ZNF541: variants seen among roughly 807,000 people sequenced by gnomAD.
ZNF541 encodes the protein zinc finger protein 541.
A neutral mutation model predicts 123.5 loss-of-function variants in ZNF541; 23 were observed. The observed-to-expected ratio is 0.19, with a 90% confidence interval of 0.13 to 0.26. The LOEUF (loss-of-function observed/expected upper bound fraction) is 0.26, where lower values mean the gene tolerates loss of function less well. Among genes scored for constraint, ZNF541 ranks in the 10% least tolerant of loss-of-function variants. ZNF541 has a pLI of 1.00. For synonymous variants in ZNF541, 751 were observed against 754.5 expected (o/e 1.00, Z 0.08); for missense variants, 1,612 against 1,789.9 (o/e 0.90, Z 1.79).
At position 47,525,521 on chromosome 19, in the gene ZNF541, C is replaced by A. The variant is rs118028837; in HGVS notation, c.3570+3429G>T. Among the ~76,000 whole-genome samples, 1,325 of 152,080 alleles carry A rather than the reference C, an allele frequency of 8.7e-3. 8 individuals carry two copies. The highest frequency in any genetic ancestry group is 0.015 in the Non-Finnish European group (998 of 68,004). On this transcript the variant is annotated intron_variant, in intron 14 of 16. Coordinates refer to ENST00000391901, the MANE Select transcript of ZNF541 (RefSeq NM_001277075.3). The stretch of plus-strand genomic sequence containing the variant: ...TTCAACAAAAGGTACAAATGAATAT[C>A]CACATGCAAAAAATGAACTTTAACT...
At chr19:47,540,703 G>A (rs1035276064) in intron 6 of ZNF541, among the ~76,000 whole-genome samples, 190 bp downstream of exon 6, 2 of 152,204 alleles carry the variant, frequency 1.3e-5, no homozygotes, top group Admixed American at 6.5e-5. Context: ...GCCTCCTGAA[G>A]TGCTGGGATT....
rs1330675264 is a variant in ZNF541, at chr19:47,555,563, C to G, written c.294G>C (p.Gln98His). 4 of 1,543,764 alleles carry G rather than the reference C, an allele frequency of 2.6e-6. No homozygotes were observed. The highest frequency in any genetic ancestry group is 2.7e-5 in the African/African-American group (2 of 72,920). ...LLEEYADSES[Q>H]ASLQDLGLGV... ...TGACAGCCTCACCTTGTAAGGATGC[C>G]TGAGACTCCGAATCTGCGTACTCCT... is the stretch of plus-strand genomic sequence containing the variant. Residue 98 changes from glutamine (Q) to histidine (H), a missense_variant, in exon 3 of 17, where the codon CAG becomes CAC. Coordinates refer to ENST00000391901, the MANE Select transcript of ZNF541 (RefSeq NM_001277075.3).
chr19:47,550,720 C>T (rs1260699807), intron 3 of ZNF541, among the ~76,000 whole-genome samples: 1 of 152,192 alleles, frequency 6.6e-6, no homozygotes, highest in Non-Finnish European at 1.5e-5. Flanking sequence ...GATCACAGCT[C>T]ATTGCAGTCT....
At chr19:47,527,722 G>T (rs1002193154) in intron 14 of ZNF541, among the ~76,000 whole-genome samples, 2 of 151,240 alleles carry the variant, frequency 1.3e-5, no homozygotes, top group African/African-American at 4.9e-5. Flanking sequence ...TTTTTGAGAC[G>T]GAGTTTCACT....
chr19:47,540,212 G>T lies in ZNF541; in HGVS notation c.2586C>A (p.Asp862Glu). ...GCTTCCCTCGAGGTGACGGCCACTGGTCGCTGTGAAAACACATGTGGCTGC... is the reference window on the plus strand; with the variant it reads ...GCTTCCCTCGAGGTGACGGCCACTGTTCGCTGTGAAAACACATGTGGCTGC... ...GLSSHMCFHSDQWPSPRGKQE... is the reference protein window; with the variant it reads ...GLSSHMCFHSEQWPSPRGKQE... The change falls in exon 7 of 17, where the codon GAC (aspartate) becomes GAA (glutamate). Residue 862 changes from aspartate (D) to glutamate (E), a missense_variant. Coordinates refer to ENST00000391901, the MANE Select transcript of ZNF541 (RefSeq NM_001277075.3). 6.4e-7 allele frequency: 1 copy of T among 1,551,574 alleles called. No homozygotes were observed. Among genetic ancestry groups the T allele is most frequent in the Non-Finnish European group, 8.7e-7 (1 of 1,146,984 alleles).
At chr19:47,568,661 C>T (rs889841508) in intron 2 of ZNF541, among the ~76,000 whole-genome samples, 4 of 151,680 alleles carry the variant, frequency 2.6e-5, no homozygotes, top group Non-Finnish European at 5.9e-5. Context: ...TCCTTCCTTA[C>T]TTTCCTACTC....
At chr19:47,550,863 A>G (rs1354522719) in intron 3 of ZNF541, among the ~76,000 whole-genome samples, 1 of 152,148 alleles carries the variant, frequency 6.6e-6, no homozygotes, top group African/African-American at 2.4e-5. Flanking sequence ...TGAAAATTAA[A>G]GGGAAGCTGA....
intron 12 of ZNF541, among the ~76,000 whole-genome samples, chr19:47,530,638 A>T (rs920713451): frequency 1.3e-4 from 19 of 151,436 alleles, no homozygotes; most frequent in African/African-American, 4.6e-4. Context: ...AAGTATTAAG[A>T]ATTTCTTTTC....
At chr19:47,538,641 C>T (rs1969939386) in intron 8 of ZNF541, 1 of 544,632 alleles carries the variant, frequency 1.8e-6, no homozygotes. Flanking sequence ...CCTTCTCCTG[C>T]ACCCACTGCC....
chr19:47,539,297 C>CTT (rs1001789975), intron 8 of ZNF541, among the ~76,000 whole-genome samples: 70 of 125,816 alleles, frequency 5.6e-4, no homozygotes, highest in African/African-American at 6.8e-4. Context: ...TCAAGATTTT[C>CTT]TTTTTTTTTT....
chr19:47,568,384 G>A lies in ZNF541; in HGVS notation c.-99+3512C>T, dbSNP rs10415325. Among the ~76,000 whole-genome samples the A allele has an allele frequency of 4.0e-3, 610 of 151,978 alleles. 3 individuals carry two copies. Among genetic ancestry groups the A allele is most frequent in the African/African-American group, 0.014 (573 of 41,444 alleles). On this transcript the variant is annotated intron_variant, in intron 2 of 16. Transcript: ENST00000391901. ...TTTTGAGACAGGGTCTTACTCTGTC[G>A]CCCAGACTGGAGTGCAGTGGCGTGA...
chr19:47,549,895 C>T (rs1459022785), intron 3 of ZNF541, among the ~76,000 whole-genome samples: 1 of 152,150 alleles, frequency 6.6e-6, no homozygotes, highest in Non-Finnish European at 1.5e-5. Context: ...TAGCTTTGTA[C>T]AAAGATCTAG....
chr19:47,572,190 G>GT (rs1568530268), intron 1 of ZNF541, among the ~76,000 whole-genome samples, 148 bp from the exon 2 acceptor site: 1 of 152,086 alleles, frequency 6.6e-6, no homozygotes, highest in African/African-American at 2.4e-5. Flanking sequence ...AGGAGGAAAG[G>GT]TTTTTTTGGT....
intron 6 of ZNF541, 63 bp downstream of exon 6, chr19:47,540,830 G>A (rs907591703): frequency 1.3e-5 from 20 of 1,502,028 alleles, no homozygotes; most frequent in South Asian, 3.7e-5. Context: ...GTCCAGGGCC[G>A]GCACAGGAAG....
At chr19:47,563,421 G>C (rs1012311743) in intron 2 of ZNF541, among the ~76,000 whole-genome samples, 1 of 152,104 alleles carries the variant, frequency 6.6e-6, no homozygotes, top group Non-Finnish European at 1.5e-5. Flanking sequence ...AGATGCCTCA[G>C]GATTCTCAGA....
chr19:47,521,909 C>T lies in ZNF541; in HGVS notation c.3656G>A (p.Gly1219Glu), dbSNP rs1246430453. The stretch of plus-strand genomic sequence containing the variant: ...CTCTCTCTTGACCCTCTTTTCTAGC[C>T]CTGGGGCTCGGCCACAGTCAAACTT... ...MIKFDCGRAPGLEKRVKREPE... is the reference protein window; with the variant it reads ...MIKFDCGRAPELEKRVKREPE... Residue 1219 changes from glycine to glutamate, a missense_variant, in exon 15 of 17, where the codon GGG becomes GAG. By Grantham distance (98) the Gly-to-Glu change is moderately conservative. Transcript: ENST00000391901. This position sits in a 1 kb window ranked among gnomAD's most constrained non-coding sequence, Gnocchi z 4.2. The T allele has an allele frequency of 3.9e-6, 6 of 1,551,776 alleles. No homozygotes were observed. Among genetic ancestry groups the T allele is most frequent in the Non-Finnish European group, 5.2e-6 (6 of 1,147,052 alleles).
intron 5 of ZNF541, among the ~76,000 whole-genome samples, chr19:47,541,550 T>C (rs1297439232): frequency 1.3e-5 from 2 of 152,178 alleles, no homozygotes; most frequent in East Asian, 1.9e-4. Flanking sequence ...CCAGAATATA[T>C]AGAGAACTCA....
In ZNF541 at chr19:47,555,740, G is replaced by A; in HGVS notation, c.117C>T (p.Pro39=). ...CAGCATAAAGAAAGCCTCGCGTGTT[G>A]GGACCCAAATCCCGGTTGAGGGTGT... The part of the protein sequence containing the change: ...CSDTLNRDLG[P]NTRGFLYAGL... Residue 39 remains proline (P), a synonymous_variant, in exon 3 of 17, where the codon CCC becomes CCT. Transcript: ENST00000391901. The A allele has an allele frequency of 6.4e-7, 1 of 1,551,734 alleles. No individual in the cohort carries two copies. Among genetic ancestry groups the A allele is most frequent in the Non-Finnish European group, 8.7e-7 (1 of 1,147,004 alleles).
At position 47,545,723 on chromosome 19, in the gene ZNF541, A is replaced by C; in HGVS notation, c.806T>G (p.Leu269Arg). Residue 269 changes from leucine (L) to arginine (R), a missense_variant, in exon 5 of 17, where the codon CTG becomes CGG. Transcript: ENST00000391901. This position sits in a 1 kb window ranked among gnomAD's most constrained non-coding sequence, Gnocchi z 7.5. Reference sequence around the variant, plus strand: ...GCGGCGCAGGAGGTCCCGGTGGGGCAGGAGGGAGCCGGGGGACCTGGCCTC... The same window carrying C: ...GCGGCGCAGGAGGTCCCGGTGGGGCCGGAGGGAGCCGGGGGACCTGGCCTC... ...PPEARSPGSL[L>R]PHRDLLRRIV... The C allele has an allele frequency of 6.5e-7, 1 of 1,546,196 alleles. No homozygotes were observed.
Sources: gnomAD v4.1 joint callset for allele counts (sites outside exome capture counted in the v4.1 genomes callset) on GRCh38, gnomAD v4.1.1 for gene constraint, Gnocchi (gnomAD v3.1) non-coding constraint, MANE v1.5 for transcripts, NCBI Gene and HGNC (gene_info 2026-07-23, HGNC 2026-07-21) for gene names.